Variants in NBEAL1 observed in about 807,000 individuals in gnomAD.
NBEAL1 encodes neurobeachin like 1.
In NBEAL1, 273 loss-of-function variants were observed where a neutral mutation model predicts 351.3. That is an observed-to-expected ratio of 0.78 (90% confidence interval 0.70 to 0.86). The LOEUF is 0.86. Among genes scored for constraint, NBEAL1 ranks in the 40% least tolerant of loss-of-function variants. NBEAL1 has a pLI of 0.00. For missense variants in NBEAL1, 2,961 were observed against 3,201.3 expected, an observed-to-expected ratio of 0.92 and a Z score of 1.81; for synonymous variants, 1,050 against 1,086.4, an observed-to-expected ratio of 0.97 and a Z score of 0.66.
rs1353885790 is a variant in NBEAL1 at position 203,201,642 on chromosome 2, A to G, written c.7338A>G (p.Gly2446=). 8 of 1,612,450 alleles carry G rather than the reference A, an allele frequency of 5.0e-6. No individual in the cohort carries two copies. The highest frequency in any genetic ancestry group is 2.2e-5 in the East Asian group (1 of 44,812). Residue 2446 remains glycine, a synonymous_variant, in exon 50 of 56, where the codon GGA becomes GGG. Transcript: ENST00000683969. The part of the protein sequence containing the change: ...SHDAKLLFSA[G]YWDNSIQVMS... ...ATGCAAAGTTGCTCTTCAGTGCTGG[A>G]TACTGGGATAATAGCATTCAAGTGA...
chr2:203,124,077 C>T (rs1172626160), intron 19 of NBEAL1, among the ~76,000 whole-genome samples: 4 of 152,200 alleles, frequency 2.6e-5, no homozygotes, highest in Admixed American at 2.0e-4. Context: ...TGGTTCACAC[C>T]TGTAATCCCA....
chr2:203,131,801 A>T (rs2063078617), intron 25 of NBEAL1, among the ~76,000 whole-genome samples, 172 bp from the exon 26 acceptor site: 1 of 152,294 alleles, frequency 6.6e-6, no homozygotes, highest in East Asian at 1.9e-4. Flanking sequence ...GCATTATTTT[A>T]TTCTATAAGT....
At position 203,135,868 on chromosome 2, in the gene NBEAL1, C is replaced by T; in HGVS notation, c.4005C>T (p.Asn1335=). ...KNMSTEDTKK[N]SDEKTDEEKI... ...TGTCAACTGAAGATACCAAGAAGAACTCTGATGAAAAAACAGATGAGGAAA... is the reference window on the plus strand; with the variant it reads ...TGTCAACTGAAGATACCAAGAAGAATTCTGATGAAAAAACAGATGAGGAAA... Residue 1335 remains asparagine (N), a synonymous_variant, in exon 28 of 56, where the codon AAC becomes AAT. Coordinates refer to ENST00000683969, the MANE Select transcript of NBEAL1 (RefSeq NM_001378026.1). The T allele has an allele frequency of 6.2e-7, 1 of 1,613,992 alleles. No homozygotes were observed. The highest frequency in any genetic ancestry group is 2.2e-5 in the East Asian group (1 of 44,846).
intron 45 of NBEAL1, among the ~76,000 whole-genome samples, chr2:203,189,486 A>G (rs926621584): frequency 3.9e-5 from 6 of 152,118 alleles, no homozygotes; most frequent in Non-Finnish European, 8.8e-5. Flanking sequence ...CCTGGGGTCA[A>G]CCAGCCCCTG....
At chr2:203,047,145 C>G (rs1214970584) in intron 3 of NBEAL1, among the ~76,000 whole-genome samples, 1 of 151,800 alleles carries the variant, frequency 6.6e-6, no homozygotes, top group Non-Finnish European at 1.5e-5. Flanking sequence ...ACTGAGGCAG[C>G]AGAATCGCTT....
chr2:203,040,309 C>T (rs920987682), intron 2 of NBEAL1: 2 of 747,984 alleles, frequency 2.7e-6, no homozygotes, highest in African/African-American at 1.7e-5. Flanking sequence ...TGACAAGGTG[C>T]ATCTCAGACG....
intron 46 of NBEAL1, chr2:203,191,338 A>G (rs1190365284): frequency 1.5e-5 from 10 of 676,004 alleles, no homozygotes; most frequent in African/African-American, 1.3e-4. Context: ...AAAAAAAAGA[A>G]TCAAATTATA....
intron 7 of NBEAL1, among the ~76,000 whole-genome samples, chr2:203,070,206 A>C (rs985309014): frequency 4.6e-5 from 7 of 151,636 alleles, no homozygotes; most frequent in Non-Finnish European, 8.8e-5. Flanking sequence ...TTTTTTTTTT[A>C]ATGTACTTTT....
At chr2:203,148,875 C>T (rs2063576442) in intron 33 of NBEAL1, 116 bp from the exon 34 acceptor site, 5 of 842,196 alleles carry the variant, frequency 5.9e-6, no homozygotes, top group Non-Finnish European at 8.4e-6. Flanking sequence ...GGTTACTTAG[C>T]TTCTTTCTCA....
chr2:203,190,186 AC>A, intron 45 of NBEAL1, 105 bp from the exon 46 acceptor site: 1 of 650,576 alleles, frequency 1.5e-6, no homozygotes, highest in East Asian at 2.6e-5. Flanking sequence ...ACACACACAC[AC>A]ACACACACAC....
At chr2:203,078,553 C>T (rs961161068) in intron 8 of NBEAL1, among the ~76,000 whole-genome samples, 4 of 152,246 alleles carry the variant, frequency 2.6e-5, no homozygotes, top group Non-Finnish European at 5.9e-5. Flanking sequence ...ATTGCCCAGG[C>T]GGGTCAAACT....
chr2:203,196,755 T>C (rs2065252095), intron 47 of NBEAL1, among the ~76,000 whole-genome samples: 1 of 152,260 alleles, frequency 6.6e-6, no homozygotes, highest in Non-Finnish European at 1.5e-5. Flanking sequence ...ATCAGGGAAC[T>C]GAATTCAAAT....
intron 33 of NBEAL1, among the ~76,000 whole-genome samples, chr2:203,148,243 A>T (rs983287670): frequency 6.6e-6 from 1 of 152,058 alleles, no homozygotes; most frequent in Non-Finnish European, 1.5e-5. Context: ...CATTTTACAC[A>T]TGAGAGGACA....
chr2:203,080,287 C>T (rs1004112384), intron 8 of NBEAL1, among the ~76,000 whole-genome samples: 1 of 152,086 alleles, frequency 6.6e-6, no homozygotes, highest in African/African-American at 2.4e-5. Context: ...TGGTGGGCGC[C>T]TGTAATCCCT....
Position 203,149,108 on chromosome 2 carries a change from C to CAGCT in NBEAL1, c.5423_5426dup (p.Tyr1810AlafsTer6), listed in dbSNP as rs774093367. 6.2e-7 allele frequency: 1 copy of CAGCT among 1,609,638 alleles called. No individual in the cohort carries two copies. Among genetic ancestry groups the CAGCT allele is most frequent in the East Asian group, 2.2e-5 (1 of 44,790 alleles). Reference sequence around the variant, plus strand: ...CACTCTTAGACGCTGGAAAGCAATACAGCTCTATCTTACATGTGAAAGGGG... The same window carrying CAGCT: ...CACTCTTAGACGCTGGAAAGCAATACAGCTAGCTCTATCTTACATGTGAAAGGGG... On this transcript the variant is annotated frameshift_variant, in exon 34 of 56. Transcript: ENST00000683969. LOFTEE classifies it high-confidence loss of function.
chr2:203,164,545 A>C (rs1187776189), intron 36 of NBEAL1, among the ~76,000 whole-genome samples: 1 of 152,068 alleles, frequency 6.6e-6, no homozygotes, highest in Non-Finnish European at 1.5e-5. Flanking sequence ...TAACCCTCAG[A>C]CTATTTACTT....
intron 45 of NBEAL1, 91 bp downstream of exon 45, chr2:203,188,680 C>A: frequency 3.0e-6 from 2 of 661,310 alleles, no homozygotes; most frequent in South Asian, 3.2e-5. Flanking sequence ...TATTTAATAT[C>A]AGAAAGACTA....
At chr2:203,132,438 C>T (rs2063095977) in intron 26 of NBEAL1, among the ~76,000 whole-genome samples, 1 of 152,168 alleles carries the variant, frequency 6.6e-6, no homozygotes, top group Non-Finnish European at 1.5e-5. Flanking sequence ...TTTTTAAAGG[C>T]AAATGAAAAC....
At chr2:203,143,146 G>A (rs190931486) in intron 31 of NBEAL1, among the ~76,000 whole-genome samples, 53 of 152,262 alleles carry the variant, frequency 3.5e-4, no homozygotes, top group African/African-American at 1.2e-3. Flanking sequence ...AAGGGAGAAG[G>A]AGTCACAATA....
Sources: allele counts gnomAD v4.1 joint callset (sites outside exome capture counted in the v4.1 genomes callset), GRCh38; gene constraint gnomAD v4.1.1; transcripts MANE v1.5; gene names NCBI Gene and HGNC (gene_info 2026-07-23, HGNC 2026-07-21).